DUOX1: variants seen among roughly 807,000 people sequenced by gnomAD.
DUOX1 encodes the protein dual oxidase 1, also known as NADPH thyroid oxidase 1.
In DUOX1, 134 loss-of-function variants were observed where a neutral mutation model predicts 181.8. That is an observed-to-expected ratio of 0.74 (90% CI 0.64 to 0.85). DUOX1 has a LOEUF of 0.85. Ranked by LOEUF, DUOX1 falls within the 40% of genes least tolerant of loss-of-function variation. The pLI, the probability that DUOX1 is intolerant of heterozygous loss-of-function variation, is 0.00. For missense variants in DUOX1, 1,814 were observed against 2,064.4 expected, an observed-to-expected ratio of 0.88 and a Z score of 2.35; for synonymous variants, 798 against 832.5, an observed-to-expected ratio of 0.96 and a Z score of 0.71.
Position 45,145,068 on chromosome 15 carries a change from C to G in DUOX1, c.2310C>G (p.His770Gln), listed in dbSNP as rs564401981. The change falls in exon 18 of 34, where the codon CAC (histidine) becomes CAG (glutamine). Residue 770 changes from histidine (H) to glutamine (Q), a missense_variant. Transcript: ENST00000389037. ...RRHLLETFFR[H>Q]LFSQVLDINQ... ...ACCTCCTGGAGACCTTTTTCAGGCA[C>G]CTTTTCTCCCAGGTGTGTACATGGG... is the stretch of plus-strand genomic sequence containing the variant. The G allele has an allele frequency of 1.6e-5, 26 of 1,604,592 alleles. No homozygotes were observed. Among genetic ancestry groups the G allele is most frequent in the Non-Finnish European group, 2.2e-5 (26 of 1,175,790 alleles).
rs766040620 is a variant in DUOX1 at position 45,163,910 on chromosome 15, C to T, written c.4525C>T (p.His1509Tyr). The T allele has an allele frequency of 3.7e-6, 6 of 1,614,044 alleles. No homozygotes were observed. Among genetic ancestry groups the T allele is most frequent in the South Asian group, 3.3e-5 (3 of 91,070 alleles). Reference sequence around the variant, plus strand: ...CTTCTTCAACTCCCTGCAGGAGGTCCACCCCCAGGTCAGTCCAACCCATAA... The same window carrying T: ...CTTCTTCAACTCCCTGCAGGAGGTCTACCCCCAGGTCAGTCCAACCCATAA... The part of the protein sequence containing the change: ...EPFFNSLQEV[H>Y]PQVRKIGVFS... Residue 1509 changes from histidine (H) to tyrosine (Y), a missense_variant, in exon 33 of 34, where the codon CAC becomes TAC. His to Tyr is a moderately conservative substitution (Grantham distance 83, BLOSUM62 2). This residue lies in a region of DUOX1 where 124 missense variants were observed against 125.7 expected (regional missense o/e 0.99). Coordinates refer to ENST00000389037, the MANE Select transcript of DUOX1 (RefSeq NM_175940.3).
chr15:45,142,214 C>A, intron 15 of DUOX1, 102 bp downstream of exon 15: 2 of 1,332,652 alleles, frequency 1.5e-6, no homozygotes, highest in Non-Finnish European at 2.1e-6. Flanking sequence ...CCACACAGAG[C>A]ATGGTCCCTT....
At chr15:45,143,162 C>T in intron 15 of DUOX1, 28 bp from the exon 16 acceptor site, 1 of 1,592,948 alleles carries the variant, frequency 6.3e-7, no homozygotes, top group Non-Finnish European at 8.6e-7. Flanking sequence ...CCCCACGTCT[C>T]CCTGAACCTC....
intron 2 of DUOX1, 63 bp downstream of exon 2, chr15:45,132,087 C>T (rs1317723702): frequency 1.6e-5 from 23 of 1,450,616 alleles, no homozygotes; most frequent in Admixed American, 2.2e-5. Context: ...CTCTGGGCTC[C>T]CCCAAGGACA....
At chr15:45,156,052 C>A in intron 28 of DUOX1, 123 bp downstream of exon 28, 1 of 1,340,354 alleles carries the variant, frequency 7.5e-7, no homozygotes, top group Non-Finnish European at 1.0e-6. Flanking sequence ...CACTTCTCGA[C>A]GTCCCTCTTT....
chr15:45,145,019 C>G lies in DUOX1; in HGVS notation c.2261C>G (p.Ala754Gly). The change falls in exon 18 of 34, where the codon GCT becomes GGT. Residue 754 changes from alanine to glycine, a missense_variant. Physicochemically the swap from Ala to Gly is moderately conservative, Grantham distance 60. Around this residue, in one of 5 missense-constraint regions of DUOX1, gnomAD observed 1,064 missense variants for 1,152.9 expected, o/e 0.92. Coordinates refer to ENST00000389037, the MANE Select transcript of DUOX1 (RefSeq NM_175940.3). ...CGGGAGCAGGAGCTGATGAGAGCAG[C>G]TGTGACACGGGAGCAGCGGAGGCAC... is the stretch of plus-strand genomic sequence containing the variant. ...ELREQELMRA[A>G]VTREQRRHLL... 2 of 1,613,952 alleles carry G rather than the reference C, an allele frequency of 1.2e-6. No individual in the cohort carries two copies. Among genetic ancestry groups the G allele is most frequent in the Non-Finnish European group, 1.7e-6 (2 of 1,179,966 alleles).
In DUOX1 at chr15:45,151,207, C is replaced by T. The variant is rs1368662624; in HGVS notation, c.2973C>T (p.Asp991=). ...CTCAGAGACTGCAGTGCCCCATGGA[C>T]ACAGACCCTCCCCAGGAGATTCGGC... ...LTPQRLQCPM[D]TDPPQEIRRR... Residue 991 remains aspartate (D), a synonymous_variant, in exon 23 of 34, where the codon GAC becomes GAT. Transcript: ENST00000389037. The T allele has an allele frequency of 6.2e-7, 1 of 1,614,202 alleles. No homozygotes were observed. The highest frequency in any genetic ancestry group is 1.3e-5 in the African/African-American group (1 of 75,062).
intron 4 of DUOX1, 83 bp from the exon 5 acceptor site, chr15:45,135,021 G>T: frequency 6.5e-7 from 1 of 1,529,802 alleles, no homozygotes; most frequent in Non-Finnish European, 8.9e-7. Flanking sequence ...AAGCTTCAGG[G>T]GAGGGAAGGA....
chr15:45,150,709 C>T lies in DUOX1; in HGVS notation c.2888+8C>T, dbSNP rs746330343. The T allele has an allele frequency of 6.2e-7, 1 of 1,613,692 alleles. No homozygotes were observed. On this transcript the variant is annotated splice_region_variant and intron_variant, in intron 22 of 33. Coordinates refer to ENST00000389037, the MANE Select transcript of DUOX1 (RefSeq NM_175940.3). ...CAGCCAGGATATGATCTGGTGAGCA[C>T]CCATCTGGGAATGTCGGGGGGAGGA...
In DUOX1 at chr15:45,135,117, T is replaced by G; in HGVS notation, c.321T>G (p.Leu107=). ...VLGVFFGYHV[L]SDLVSVETPG... Reference sequence around the variant, plus strand: ...CACTGCCCGCAGGCTATCACGTGCTTTCAGACCTGGTGAGCGTGGAAACTC... The same window carrying G: ...CACTGCCCGCAGGCTATCACGTGCTGTCAGACCTGGTGAGCGTGGAAACTC... Residue 107 remains leucine, a synonymous_variant, in exon 5 of 34, where the codon CTT becomes CTG. Transcript: ENST00000389037. 12 of 1,613,558 alleles carry G rather than the reference T, an allele frequency of 7.4e-6. No individual in the cohort carries two copies. The highest frequency in any genetic ancestry group is 9.3e-6 in the Non-Finnish European group (11 of 1,179,844).
At chr15:45,138,613 A>G (rs888741560) in intron 10 of DUOX1, 7 of 163,928 alleles carry the variant, frequency 4.3e-5, no homozygotes, top group African/African-American at 1.7e-4. Context: ...GGGGAGGAAG[A>G]AAAAAGAAGC....
chr15:45,133,745 T>A, intron 2 of DUOX1, 119 bp from the exon 3 acceptor site: 1 of 824,962 alleles, frequency 1.2e-6, no homozygotes, highest in Non-Finnish European at 2.0e-6. Context: ...CACATCCACT[T>A]CAGGTATCCA....
At chr15:45,160,750 G>A (rs1401789714) in intron 28 of DUOX1, 87 bp from the exon 29 acceptor site, 4 of 1,393,406 alleles carry the variant, frequency 2.9e-6, no homozygotes, top group African/African-American at 1.8e-5. Context: ...TACCAGCGGG[G>A]AAGTATGGAG....
intron 21 of DUOX1, 101 bp downstream of exon 21, chr15:45,148,548 A>C: frequency 7.5e-7 from 1 of 1,339,110 alleles, no homozygotes; most frequent in Non-Finnish European, 1.0e-6. Flanking sequence ...AATTTCCATT[A>C]AAATCAGAAG....
intron 29 of DUOX1, among the ~76,000 whole-genome samples, chr15:45,161,525 C>T (rs1353822041): frequency 6.6e-6 from 1 of 151,230 alleles, no homozygotes; most frequent in Non-Finnish European, 1.5e-5. Flanking sequence ...TCTCTCATCG[C>T]AGAGAGCAGA....
chr15:45,142,078 G>T lies in DUOX1; in HGVS notation c.1788G>T (p.Gly596=), dbSNP rs1402735717. The part of the protein sequence containing the change: ...DYFEGSGFGF[G]VTIGTLCCFP... Reference sequence around the variant, plus strand: ...TTGAGGGCAGTGGATTTGGCTTCGGGGTCACCATCGGGACCCTCTGTTGCT... The same window carrying T: ...TTGAGGGCAGTGGATTTGGCTTCGGTGTCACCATCGGGACCCTCTGTTGCT... The change falls in exon 15 of 34, where the codon GGG becomes GGT. Residue 596 remains glycine (G), a synonymous_variant. Transcript: ENST00000389037. 6.2e-7 allele frequency: 1 copy of T among 1,613,912 alleles called. No homozygotes were observed. The highest frequency in any genetic ancestry group is 1.3e-5 in the African/African-American group (1 of 74,910).
At chr15:45,131,813 T>C (rs1275359244) in intron 1 of DUOX1, 105 bp from the exon 2 acceptor site, 3 of 765,414 alleles carry the variant, frequency 3.9e-6, no homozygotes, top group African/African-American at 1.7e-5. Context: ...TGCTACCTAC[T>C]GTGACCTTGG....
chr15:45,143,896 A>G, intron 16 of DUOX1, 140 bp from the exon 17 acceptor site: 1 of 736,916 alleles, frequency 1.4e-6, no homozygotes, highest in Non-Finnish European at 2.2e-6. Context: ...GCTTTCAGGG[A>G]GGGAATGACT....
rs756680487 is a variant in DUOX1, at chr15:45,131,947, G to A, written c.-20G>A. On this transcript the variant is annotated 5_prime_UTR_variant, in exon 2 of 34. Transcript: ENST00000389037. ...TCCATTTTGGGACATTCTAATCCCT[G>A]AGCCCCTATTATTTTCATCATGGGC... is the stretch of plus-strand genomic sequence containing the variant. The A allele has an allele frequency of 1.2e-5, 20 of 1,613,666 alleles. No individual in the cohort carries two copies. Among genetic ancestry groups the A allele is most frequent in the Non-Finnish European group, 1.6e-5 (19 of 1,179,680 alleles).
Sources: gnomAD v4.1 joint callset for allele counts (sites outside exome capture counted in the v4.1 genomes callset) on GRCh38, gnomAD v4.1.1 for gene constraint, gnomAD v4.1.1 regional missense constraint, MANE v1.5 for transcripts, NCBI Gene and HGNC (gene_info 2026-07-23, HGNC 2026-07-21) for gene names.